Variants in SALL2 observed in about 807,000 individuals in gnomAD.
The protein encoded by SALL2 is sal-like protein 2.
SALL2 carries 32 observed loss-of-function variants against 58.5 expected under a neutral mutation model. The observed-to-expected ratio is 0.55, with a 90% CI of 0.41 to 0.74. SALL2 has a LOEUF of 0.74. Among genes scored for constraint, SALL2 ranks in the 30% least tolerant of loss-of-function variants. The pLI, the probability that SALL2 is intolerant of heterozygous loss-of-function variation, is 0.00. For synonymous variants in SALL2, 516 were observed against 513.6 expected (o/e 1.00, Z -0.06); for missense variants, 1,201 against 1,268.9 (o/e 0.95, Z 0.81).
chr14:21,535,519 G>A (rs1275623902), intron 1 of SALL2, among the ~76,000 whole-genome samples: 1 of 152,092 alleles, frequency 6.6e-6, no homozygotes, highest in East Asian at 1.9e-4. Context: ...ATTTATGCTA[G>A]GTATTTTTCC....
At position 21,524,100 on chromosome 14, in the gene SALL2, C is replaced by G; in HGVS notation, c.1622G>C (p.Ser541Thr). ...ACTTAGTTGCATGCGAGTTGCCGTG[C>G]TACTTTCTGCCACTCCACTGATGGC... ...GSAISGVAES[S>T]TATRMQLSKL... The change falls in exon 2 of 2, where the codon AGC becomes ACC. Residue 541 changes from serine (S) to threonine (T), a missense_variant. Transcript: ENST00000537235. 6.2e-7 allele frequency: 1 copy of G among 1,613,898 alleles called. No individual in the cohort carries two copies. The highest frequency in any genetic ancestry group is 1.1e-5 in the South Asian group (1 of 91,030).
chr14:21,528,735 G>A (rs571581833), upstream of SALL2, among the ~76,000 whole-genome samples: 35 of 152,216 alleles, frequency 2.3e-4, no homozygotes, highest in African/African-American at 7.9e-4. Flanking sequence ...TCAGAATTTT[G>A]ACTCCTGTCC....
rs764349690 is a variant in SALL2 at position 21,525,459 on chromosome 14, T to C, written c.263A>G (p.Gln88Arg). The change falls in exon 2 of 2, where the codon CAG (glutamine) becomes CGG (arginine). Residue 88 changes from glutamine (Q) to arginine (R), a missense_variant. Around this residue, in one of 3 missense-constraint regions of SALL2, gnomAD observed 467 missense variants for 468.9 expected, o/e 1.00. Coordinates refer to ENST00000537235, the MANE Select transcript of SALL2 (RefSeq NM_001364564.1). This position sits in a 1 kb window ranked among gnomAD's most constrained non-coding sequence, Gnocchi z 4.4. Reference sequence around the variant, plus strand: ...GTTGCTATGCTCTGTGTCCATGACCTGAGGATTATTGTGACCCTCAGGCCG... The same window carrying C: ...GTTGCTATGCTCTGTGTCCATGACCCGAGGATTATTGTGACCCTCAGGCCG... ...EPRPEGHNNP[Q>R]VMDTEHSNPP... The C allele has an allele frequency of 1.2e-5, 20 of 1,613,666 alleles. No homozygotes were observed. The highest frequency in any genetic ancestry group is 1.5e-5 in the Non-Finnish European group (18 of 1,179,860).
intron 1 of SALL2, chr14:21,536,892 T>C (rs1892611252): frequency 6.2e-7 from 1 of 1,614,114 alleles, no homozygotes; most frequent in Non-Finnish European, 8.5e-7. Flanking sequence ...AGATTAACTG[T>C]TGGGGTTTCC....
Position 21,524,221 on chromosome 14 carries a change from G to C in SALL2, c.1501C>G (p.Pro501Ala). 6.2e-7 allele frequency: 1 copy of C among 1,612,622 alleles called. No homozygotes were observed. Among genetic ancestry groups the C allele is most frequent in the Non-Finnish European group, 8.5e-7 (1 of 1,179,246 alleles). Residue 501 changes from proline (P) to alanine (A), a missense_variant, in exon 2 of 2, where the codon CCA becomes GCA. Physicochemically the swap from Pro to Ala is conservative, Grantham distance 27. Around this residue, in one of 3 missense-constraint regions of SALL2, gnomAD observed 675 missense variants for 683.8 expected, o/e 0.99. Transcript: ENST00000537235. Reference protein sequence around the residue: ...LSTSAGTATAPGLPAFNKFVL... With the variant: ...LSTSAGTATAAGLPAFNKFVL... ...AACTTATTGAAAGCAGGGAGTCCTG[G>C]AGCCGTGGCTGTGCCTGCACTGGTG... is the stretch of plus-strand genomic sequence containing the variant.
rs540160352 is a variant in SALL2, at chr14:21,524,687, G to A, written c.1035C>T (p.Leu345=). ...CACCACTTCCATTCTTTGGCTTCAG[G>A]AGCCCTGGGGAGGCAGTGGCCTCAA... ...RGLEATASPG[L]LKPKNGSGEL... The change falls in exon 2 of 2, where the codon CTC becomes CTT. Residue 345 remains leucine (L), a synonymous_variant. Coordinates refer to ENST00000537235, the MANE Select transcript of SALL2 (RefSeq NM_001364564.1). 8.1e-6 allele frequency: 13 copies of A among 1,614,016 alleles called. No individual in the cohort carries two copies. The African/African-American group carries it at 1.1e-4, about 13-fold the overall frequency.
chr14:21,522,516 C>T lies in SALL2; in HGVS notation c.*188G>A. 7.2e-7 allele frequency: 1 copy of T among 1,384,364 alleles called. No individual in the cohort carries two copies. The highest frequency in any genetic ancestry group is 9.3e-7 in the Non-Finnish European group (1 of 1,073,948). 85.8% of individuals were successfully genotyped at this position (1,384,364 alleles called of 1,614,324 possible). A position where few individuals can be genotyped will look rare whatever the true frequency, so the allele number is the denominator to read the frequency against. On this transcript the variant is annotated 3_prime_UTR_variant, in exon 2 of 2. Transcript: ENST00000537235. ...AAGAATGAGGAGGGAAGAAAAATTC[C>T]TTAGGGGGCCATCCCCTTGTAAGCA...
chr14:21,528,691 C>T (rs188933038), upstream of SALL2, among the ~76,000 whole-genome samples: 18 of 152,248 alleles, frequency 1.2e-4, no homozygotes, highest in Non-Finnish European at 2.1e-4. Flanking sequence ...AGTGACTTTT[C>T]CAAGTTCACA....
upstream of SALL2, among the ~76,000 whole-genome samples, chr14:21,526,856 C>G (rs918791548): frequency 7.9e-5 from 12 of 152,200 alleles, no homozygotes. Context: ...CACCCTACCC[C>G]CATCCCTCTC....
At chr14:21,531,497 C>T (rs1030698574) in intron 1 of SALL2, among the ~76,000 whole-genome samples, 2 of 151,928 alleles carry the variant, frequency 1.3e-5, no homozygotes, top group African/African-American at 4.8e-5. Flanking sequence ...ACCTCCGCCT[C>T]CCAGGTTCAA....
At position 21,525,953 on chromosome 14, in the gene SALL2, G is replaced by T; in HGVS notation, c.67+108C>A. ...TCACGGAATAGGTGTGGGGACAGGG[G>T]CCTACGCAGAGAATCATGCATTTTC... On this transcript the variant is annotated intron_variant, in intron 1 of 1. Coordinates refer to ENST00000537235, the MANE Select transcript of SALL2 (RefSeq NM_001364564.1). This position sits in a 1 kb window ranked among gnomAD's most constrained non-coding sequence, Gnocchi z 4.4. 1 of 1,087,886 alleles carries T rather than the reference G, an allele frequency of 9.2e-7. No individual in the cohort carries two copies. The highest frequency in any genetic ancestry group is 1.3e-6 in the Non-Finnish European group (1 of 742,120). 67.4% of individuals were successfully genotyped at this position (1,087,886 alleles called of 1,614,324 possible).
chr14:21,536,463 T>C lies in SALL2; in HGVS notation c.-114+499A>G, dbSNP rs917587311. On this transcript the variant is annotated intron_variant, in intron 1 of 1. Transcript: ENST00000541965. ...CCAATTCATTCTCTTGCAACCCAAC[T>C]CTCCAGAAAGAAAAGGGGGGAAAAT... Among the ~76,000 whole-genome samples the C allele has an allele frequency of 5.9e-5, 9 of 151,550 alleles. No homozygotes were observed. In the South Asian group the frequency reaches 1.9e-3, roughly 32 times the overall value.
At chr14:21,526,025 C>T (rs1439315937) in intron 1 of SALL2, 36 bp downstream of exon 1, 2 of 1,428,426 alleles carry the variant, frequency 1.4e-6, no homozygotes, top group African/African-American at 2.8e-5. Context: ...CCCCCTCCGC[C>T]CCCACCCCTG....
chr14:21,524,765 G>A lies in SALL2; in HGVS notation c.957C>T (p.Phe319=). ...DQLIASPHLA[F]PSTTGLLAAQ... is the part of the protein sequence containing the mutation. Reference sequence around the variant, plus strand: ...CTGCCAGTAGTCCCGTGGTGCTTGGGAATGCCAGATGAGGCGAGGCAATCA... The same window carrying A: ...CTGCCAGTAGTCCCGTGGTGCTTGGAAATGCCAGATGAGGCGAGGCAATCA... Residue 319 remains phenylalanine (F), a synonymous_variant, in exon 2 of 2, where the codon TTC becomes TTT. Coordinates refer to ENST00000537235, the MANE Select transcript of SALL2 (RefSeq NM_001364564.1). 6.2e-7 allele frequency: 1 copy of A among 1,607,478 alleles called. No homozygotes were observed. Among genetic ancestry groups the A allele is most frequent in the Non-Finnish European group, 8.5e-7 (1 of 1,176,444 alleles).
At position 21,525,522 on chromosome 14, in the gene SALL2, T is replaced by C. The variant is rs1389981486; in HGVS notation, c.200A>G (p.Gln67Arg). The change falls in exon 2 of 2, where the codon CAG becomes CGG. Residue 67 changes from glutamine to arginine, a missense_variant. Physicochemically the swap from Gln to Arg is conservative, Grantham distance 43 (BLOSUM62 1). Around this residue, in one of 3 missense-constraint regions of SALL2, gnomAD observed 467 missense variants for 468.9 expected, o/e 1.00. Transcript: ENST00000537235. This position sits in a 1 kb window ranked among gnomAD's most constrained non-coding sequence, Gnocchi z 4.4. Reference protein sequence around the residue: ...DPPVMVIIGGQENPNNSSASS... With the variant: ...DPPVMVIIGGRENPNNSSASS... ...GGCCGAAGAGTTGTTGGGGTTCTCCTGGCCCCCAATTATCACCATTACAGG... is the reference window on the plus strand; with the variant it reads ...GGCCGAAGAGTTGTTGGGGTTCTCCCGGCCCCCAATTATCACCATTACAGG... The C allele has an allele frequency of 3.7e-6, 6 of 1,613,984 alleles. No homozygotes were observed. The highest frequency in any genetic ancestry group is 5.1e-6 in the Non-Finnish European group (6 of 1,179,948).
At chr14:21,532,093 A>G (rs533969230) in intron 1 of SALL2, among the ~76,000 whole-genome samples, 1 of 152,320 alleles carries the variant, frequency 6.6e-6, no homozygotes, top group East Asian at 1.9e-4. Context: ...TACATGCTAC[A>G]ACATGAATGA....
At chr14:21,532,026 G>A (rs949083035) in intron 1 of SALL2, among the ~76,000 whole-genome samples, 2 of 152,056 alleles carry the variant, frequency 1.3e-5, no homozygotes, top group Non-Finnish European at 2.9e-5. Flanking sequence ...TGCTGTGCCC[G>A]GCTGATTTCT....
At position 21,523,696 on chromosome 14, in the gene SALL2, A is replaced by C; in HGVS notation, c.2026T>G (p.Phe676Val). 4 of 1,614,200 alleles carry C rather than the reference A, an allele frequency of 2.5e-6. No homozygotes were observed. Among genetic ancestry groups the C allele is most frequent in the Non-Finnish European group, 3.4e-6 (4 of 1,180,034 alleles). The change falls in exon 2 of 2, where the codon TTC (phenylalanine) becomes GTC (valine). Residue 676 changes from phenylalanine (F) to valine (V), a missense_variant. Coordinates refer to ENST00000537235, the MANE Select transcript of SALL2 (RefSeq NM_001364564.1). The surrounding 1 kb of genome is among the most constrained non-coding windows in gnomAD (Gnocchi z 4.4). ...GCTGGACTGGCCTTGTGGCCCACGA[A>C]ATGTGCACGCAGATTACCCCTGGTG... ...FSTRGNLRAHFVGHKASPAAR... is the reference protein window; with the variant it reads ...FSTRGNLRAHVVGHKASPAAR...
rs140325387 is a variant in SALL2, at chr14:21,523,881, G to T, written c.1841C>A (p.Thr614Asn). 3.7e-6 allele frequency: 6 copies of T among 1,614,246 alleles called. No homozygotes were observed. In the South Asian group the frequency reaches 6.6e-5, roughly 18 times the overall value. ...AVTSAASGAP[T>N]TSAPAPSSSA... Reference sequence around the variant, plus strand: ...GGATGAAGGTGCAGGGGCAGAGGTGGTGGGGGCTCCTGAGGCAGCTGAGGT... The same window carrying T: ...GGATGAAGGTGCAGGGGCAGAGGTGTTGGGGGCTCCTGAGGCAGCTGAGGT... Residue 614 changes from threonine to asparagine, a missense_variant, in exon 2 of 2, where the codon ACC (threonine) becomes AAC (asparagine). Transcript: ENST00000537235. The surrounding 1 kb of genome is among the most constrained non-coding windows in gnomAD (Gnocchi z 4.4).
Sources: allele counts gnomAD v4.1 joint callset (sites outside exome capture counted in the v4.1 genomes callset), GRCh38; gene constraint gnomAD v4.1.1; regional missense constraint gnomAD v4.1.1; non-coding constraint Gnocchi (gnomAD v3.1); transcripts MANE v1.5; gene names NCBI Gene and HGNC (gene_info 2026-07-23, HGNC 2026-07-21).